Variants in SOX6 observed in about 807,000 individuals in gnomAD.
SOX6 encodes the protein SRY-box transcription factor 6.
In SOX6, 11 loss-of-function variants were observed where a neutral mutation model predicts 97.8. The ratio of observed to expected loss-of-function variants is 0.11; its 90% CI spans 0.07 to 0.19. The LOEUF is 0.19. Among genes scored for constraint, SOX6 ranks in the 10% least tolerant of loss-of-function variants. The pLI, the probability that SOX6 is intolerant of heterozygous loss-of-function variation, is 1.00. For missense variants in SOX6, 810 were observed against 1,039.5 expected (o/e 0.78, Z 3.04); for synonymous variants, 360 against 371.4 (o/e 0.97, Z 0.35).
rs187946689 is a variant in SOX6 at position 16,486,126 on chromosome 11, C to A, written n.610-9738G>T. On this transcript the variant is annotated intron_variant and non_coding_transcript_variant, in intron 4 of 5. Transcript: ENST00000524520. The stretch of plus-strand genomic sequence containing the variant: ...TTCCAAAAACTATTTACAGAATTAC[C>A]ATGTGACTTAATCCATGGTACAGAA... 1.5e-3 allele frequency among the ~76,000 whole-genome samples: 228 copies of A among 151,916 alleles called. 1 individual carries two copies. Among genetic ancestry groups the A allele is most frequent in the African/African-American group, 5.1e-3 (212 of 41,430 alleles).
chr11:16,494,587 A>G (rs959589822), intron 4 of SOX6, among the ~76,000 whole-genome samples: 3 of 152,156 alleles, frequency 2.0e-5, no homozygotes, highest in Admixed American at 1.3e-4. Context: ...TACACAAAGA[A>G]GAACCAAAAT....
intron 3 of SOX6, among the ~76,000 whole-genome samples, chr11:16,238,932 T>C (rs761092255): frequency 3.3e-5 from 5 of 152,158 alleles, no homozygotes; most frequent in African/African-American, 1.2e-4. Context: ...ATAGGAATCA[T>C]AAATTTCAAA....
chr11:16,501,672 A>G (rs1323976523), intron 4 of SOX6, among the ~76,000 whole-genome samples: 1 of 152,174 alleles, frequency 6.6e-6, no homozygotes, highest in Non-Finnish European at 1.5e-5. Context: ...GACACTTCTC[A>G]AAAGAAGACA....
intron 6 of SOX6, among the ~76,000 whole-genome samples, chr11:16,130,570 C>A (rs1187729222): frequency 6.6e-6 from 1 of 151,808 alleles, no homozygotes; most frequent in Non-Finnish European, 1.5e-5. Context: ...CAGCAAGTCT[C>A]CTCAAACTGA....
chr11:16,586,226 A>G (rs750881505), intron 4 of SOX6, among the ~76,000 whole-genome samples: 3 of 152,178 alleles, frequency 2.0e-5, no homozygotes, highest in Non-Finnish European at 4.4e-5. Flanking sequence ...AATGAGAGAT[A>G]ACTGGCCTCA....
At chr11:16,240,084 G>A (rs2134183644) in intron 3 of SOX6, among the ~76,000 whole-genome samples, 1 of 152,088 alleles carries the variant, frequency 6.6e-6, no homozygotes, top group African/African-American at 2.4e-5. Flanking sequence ...AGAAAATGTT[G>A]TGCTAAATTA....
At chr11:16,498,987 C>A (rs1160252833) in intron 4 of SOX6, among the ~76,000 whole-genome samples, 8 of 152,192 alleles carry the variant, frequency 5.3e-5, no homozygotes, top group Admixed American at 1.3e-4. Context: ...ACTCTCCACC[C>A]CAAATCAACA....
intron 5 of SOX6, 25 bp downstream of exon 5, chr11:16,186,758 C>G (rs368461818): frequency 5.3e-5 from 86 of 1,611,508 alleles, no homozygotes; most frequent in Non-Finnish European, 6.9e-5. Context: ...ATCTCCAGTT[C>G]GTCAGTGCCT....
At chr11:16,622,158 T>G (rs946778720) in intron 3 of SOX6, among the ~76,000 whole-genome samples, 1 of 152,224 alleles carries the variant, frequency 6.6e-6, no homozygotes, top group Non-Finnish European at 1.5e-5. Flanking sequence ...CCCTCATTCA[T>G]ATGACCCAAA....
intron 1 of SOX6, among the ~76,000 whole-genome samples, chr11:16,413,623 C>G (rs575209832): frequency 6.8e-6 from 1 of 147,164 alleles, no homozygotes; most frequent in East Asian, 2.0e-4. Context: ...TGGGTTCAAG[C>G]GATTCTCCAG....
chr11:16,002,350 G>A (rs1290447139), intron 13 of SOX6, among the ~76,000 whole-genome samples: 1 of 152,174 alleles, frequency 6.6e-6, no homozygotes, highest in Non-Finnish European at 1.5e-5. Context: ...ATACCAGTCT[G>A]TATTTTCAAG....
chr11:16,145,160 G>C (rs1032485204), intron 6 of SOX6, among the ~76,000 whole-genome samples: 9 of 152,188 alleles, frequency 5.9e-5, no homozygotes, highest in African/African-American at 2.2e-4. Flanking sequence ...CCATGATCAA[G>C]TGGGCTTCAC....
intron 14 of SOX6, among the ~76,000 whole-genome samples, chr11:15,986,746 G>T (rs557785118): frequency 4.6e-5 from 7 of 152,098 alleles, no homozygotes; most frequent in African/African-American, 7.2e-5. Context: ...GGGATAAAAG[G>T]CTAAACCTCC....
chr11:16,188,594 T>C (rs1368349096), intron 4 of SOX6, among the ~76,000 whole-genome samples: 1 of 152,156 alleles, frequency 6.6e-6, no homozygotes, highest in Non-Finnish European at 1.5e-5. Flanking sequence ...TATACAGGAA[T>C]GAGAAAATAC....
At chr11:16,311,217 T>C (rs1453241124) in intron 3 of SOX6, 1 of 152,122 alleles carries the variant, frequency 6.6e-6, no homozygotes, top group African/African-American at 2.4e-5. Flanking sequence ...ATTCTGTCTG[T>C]GGTACAGAAT....
chr11:16,377,278 T>C (rs1011972255), intron 1 of SOX6, among the ~76,000 whole-genome samples: 1 of 152,126 alleles, frequency 6.6e-6, no homozygotes, highest in Non-Finnish European at 1.5e-5. Context: ...AGCTTCTTAC[T>C]GTACAACTAC....
At chr11:16,268,013 A>G (rs1393708792) in intron 3 of SOX6, among the ~76,000 whole-genome samples, 1 of 151,434 alleles carries the variant, frequency 6.6e-6, no homozygotes, top group Admixed American at 6.6e-5. Context: ...AGAAGGAGAG[A>G]GTAGAATGGT....
chr11:16,271,820 CTG>C (rs1465609052), intron 3 of SOX6, among the ~76,000 whole-genome samples: 2 of 150,820 alleles, frequency 1.3e-5, no homozygotes, highest in Non-Finnish European at 3.0e-5. Flanking sequence ...TTTGATTAAA[CTG>C]TTTTAAAATT....
chr11:16,516,624 C>T (rs1018118458), intron 4 of SOX6, among the ~76,000 whole-genome samples: 7 of 151,180 alleles, frequency 4.6e-5, no homozygotes, highest in Non-Finnish European at 1.0e-4. Flanking sequence ...CAAGACTAAA[C>T]CAGGAAGAAG....
Sources: allele counts gnomAD v4.1 joint callset (sites outside exome capture counted in the v4.1 genomes callset), GRCh38; gene constraint gnomAD v4.1.1; transcripts MANE v1.5; gene names NCBI Gene and HGNC (gene_info 2026-07-23, HGNC 2026-07-21).